The following SEMA5A variants were observed in gnomAD, a reference collection of about 807,000 sequenced individuals.
The protein encoded by SEMA5A is semaphorin 5A, also known as semaphorin-5A.
Under a neutral mutation model 135.5 loss-of-function variants are expected in SEMA5A, and 55 were observed. The observed-to-expected ratio is 0.41, with a 90% CI of 0.33 to 0.51. SEMA5A has a LOEUF of 0.51. Ranked by LOEUF, SEMA5A falls within the 20% of genes least tolerant of loss-of-function variation. SEMA5A has a pLI of 0.37. For missense variants in SEMA5A, 1,290 were observed against 1,419.9 expected (o/e 0.91, Z 1.47); for synonymous variants, 580 against 546.5 (o/e 1.06, Z -0.85).
chr5:9,061,699 C>A (rs758677128), intron 18 of SEMA5A, among the ~76,000 whole-genome samples: 5 of 151,986 alleles, frequency 3.3e-5, no homozygotes, highest in South Asian at 4.2e-4. Context: ...GGGGCTCTTT[C>A]GGCTCATTTT....
At chr5:9,130,918 C>A (rs1236004349) in intron 13 of SEMA5A, among the ~76,000 whole-genome samples, 47 of 152,046 alleles carry the variant, frequency 3.1e-4, no homozygotes, top group Non-Finnish European at 7.4e-5. Context: ...TTTGATAAAC[C>A]CCTTAGACTA....
chr5:9,470,682 A>T (rs1315072631), intron 1 of SEMA5A, among the ~76,000 whole-genome samples: 2 of 152,168 alleles, frequency 1.3e-5, no homozygotes, highest in African/African-American at 4.8e-5. Context: ...GGGTCAATGG[A>T]CCATATGCCA....
intron 13 of SEMA5A, among the ~76,000 whole-genome samples, chr5:9,129,293 T>C (rs888978506): frequency 6.6e-6 from 1 of 152,248 alleles, no homozygotes; most frequent in African/African-American, 2.4e-5. Context: ...GCAATTGCAC[T>C]CTGGCAGGGT....
intron 3 of SEMA5A, among the ~76,000 whole-genome samples, chr5:9,366,924 T>G (rs912831614): frequency 2.0e-5 from 3 of 152,172 alleles, no homozygotes; most frequent in African/African-American, 7.2e-5. Flanking sequence ...GAGAAGCAGT[T>G]AACAGCAGAT....
intron 5 of SEMA5A, among the ~76,000 whole-genome samples, chr5:9,314,493 TC>T (rs1752305878): frequency 6.6e-6 from 1 of 152,140 alleles, no homozygotes; most frequent in Non-Finnish European, 1.5e-5. Context: ...TTCCCTTGCT[TC>T]TTTGTACTTT....
intron 8 of SEMA5A, among the ~76,000 whole-genome samples, chr5:9,207,851 TGATAGATAGATA>T (rs55679317): frequency 4.3e-4 from 63 of 146,090 alleles, no homozygotes; most frequent in Admixed American, 1.0e-3. Flanking sequence ...AGACAGATGA[TGATAGATAGATA>T]GATAGATAGA....
rs1214443659 is a variant in SEMA5A at position 9,035,119 on chromosome 5, A to G, written c.*7778T>C. ...CATAAAACATAAGTACAAAAAATAT[A>G]ATACAATTTATACTGTACACAATCA... On this transcript the variant is annotated 3_prime_UTR_variant, in exon 23 of 23. Transcript: ENST00000382496. The G allele has an allele frequency of 6.6e-6, 1 of 152,566 alleles. No individual in the cohort carries two copies. Among genetic ancestry groups the G allele is most frequent in the Non-Finnish European group, 1.5e-5 (1 of 68,022 alleles). 9.5% of individuals were successfully genotyped at this position (152,566 alleles called of 1,614,324 possible).
rs1002833412 is a variant in SEMA5A at position 9,437,806 on chromosome 5, A to T, written c.-128T>A. On this transcript the variant is annotated 5_prime_UTR_variant, in exon 2 of 23. Transcript: ENST00000382496. ...GTTTCCTCAATCATGAATCACACTG[A>T]CTCCACAGCCACGTGGGCACTCCAG... 1.3e-5 allele frequency: 2 copies of T among 152,392 alleles called. No individual in the cohort carries two copies. The highest frequency in any genetic ancestry group is 4.8e-5 in the African/African-American group (2 of 41,410). The allele number at this position is 152,392 out of a possible 1,614,324, so 9.4% of individuals were successfully genotyped here.
intron 1 of SEMA5A, among the ~76,000 whole-genome samples, chr5:9,462,226 C>G (rs1021606645): frequency 2.0e-5 from 3 of 152,174 alleles, no homozygotes; most frequent in African/African-American, 7.2e-5. Flanking sequence ...TGAGAAAGAT[C>G]TCAACATCAC....
chr5:9,287,291 T>C (rs1424643991), intron 5 of SEMA5A, among the ~76,000 whole-genome samples: 2 of 152,202 alleles, frequency 1.3e-5, no homozygotes, highest in African/African-American at 2.4e-5. Flanking sequence ...TTAAGTAACT[T>C]TGGTGTCAGC....
intron 13 of SEMA5A, among the ~76,000 whole-genome samples, chr5:9,132,034 T>G (rs1307124951): frequency 5.3e-5 from 8 of 152,246 alleles, no homozygotes; most frequent in Admixed American, 3.9e-4. Context: ...ATTTAGATTT[T>G]ACTGATGCAC....
chr5:9,388,722 A>T lies in SEMA5A; in HGVS notation c.-77-8699T>A, dbSNP rs1756010276. 2.0e-5 allele frequency among the ~76,000 whole-genome samples: 3 copies of T among 152,146 alleles called. No individual in the cohort carries two copies. The South Asian group carries it at 6.2e-4, about 32-fold the overall frequency. ...AGACCATCCTGGCTAACACAGTGAA[A>T]CCCCATCTCTACTAAAAATACAAAA... On this transcript the variant is annotated intron_variant, in intron 2 of 22. Transcript: ENST00000382496.
At chr5:9,540,161 C>T (rs142683392) in intron 1 of SEMA5A, among the ~76,000 whole-genome samples, 2 of 152,180 alleles carry the variant, frequency 1.3e-5, no homozygotes, top group East Asian at 1.9e-4. Flanking sequence ...GAGCCTCCTG[C>T]GTGCCAGGCA....
At chr5:9,368,412 A>G (rs1755003358) in intron 3 of SEMA5A, among the ~76,000 whole-genome samples, 1 of 152,240 alleles carries the variant, frequency 6.6e-6, no homozygotes, top group African/African-American at 2.4e-5. Flanking sequence ...TCATAGAGGT[A>G]TTATTTAGGT....
chr5:9,419,231 G>A (rs1306786556), intron 2 of SEMA5A, among the ~76,000 whole-genome samples: 1 of 152,142 alleles, frequency 6.6e-6, no homozygotes. Flanking sequence ...GTGTGAGAGT[G>A]TCCTTGGTAT....
At chr5:9,460,236 G>A (rs1407771531) in intron 1 of SEMA5A, among the ~76,000 whole-genome samples, 1 of 152,148 alleles carries the variant, frequency 6.6e-6, no homozygotes, top group African/African-American at 2.4e-5. Context: ...GTAAAGTACT[G>A]TATTACTAAA....
chr5:9,213,029 T>G (rs1299030815), intron 8 of SEMA5A, among the ~76,000 whole-genome samples: 1 of 152,176 alleles, frequency 6.6e-6, no homozygotes, highest in Non-Finnish European at 1.5e-5. Flanking sequence ...GCTTTCTGGT[T>G]CCTAGCCGGC....
At position 9,152,605 on chromosome 5, in the gene SEMA5A, C is replaced by A. The variant is rs149681322; in HGVS notation, c.1481+1883G>T. On this transcript the variant is annotated intron_variant, in intron 12 of 22. Transcript: ENST00000382496. ...ACTTCATTTTCTAGAATCATCTTGA[C>A]AGGCTTATTGCTGTGATTACACATC... Among the ~76,000 whole-genome samples, 1,379 of 152,332 alleles carry A rather than the reference C, an allele frequency of 9.1e-3. 17 individuals are homozygous for A. Among genetic ancestry groups the A allele is most frequent in the African/African-American group, 0.031 (1,309 of 41,576 alleles).
At chr5:9,345,544 G>A (rs915158831) in intron 3 of SEMA5A, among the ~76,000 whole-genome samples, 11 of 142,918 alleles carry the variant, frequency 7.7e-5, no homozygotes, top group African/African-American at 2.6e-4. Flanking sequence ...AAAAAAAAGT[G>A]GTCTGTACCA....
Sources: gnomAD v4.1 joint callset for allele counts (sites outside exome capture counted in the v4.1 genomes callset) on GRCh38, gnomAD v4.1.1 for gene constraint, MANE v1.5 for transcripts, NCBI Gene and HGNC (gene_info 2026-07-23, HGNC 2026-07-21) for gene names.